Variants in GLIS3 observed in about 807,000 individuals in gnomAD.
The protein encoded by GLIS3 is GLIS family zinc finger 3, also known as zinc finger protein GLIS3.
In GLIS3, 53 loss-of-function variants were observed where a neutral mutation model predicts 78.6. That is an observed-to-expected ratio of 0.67 (90% CI 0.54 to 0.85). The LOEUF is 0.85. GLIS3 is among the 40% of genes least tolerant of loss of function. GLIS3 has a pLI of 0.00. For missense variants in GLIS3, 1,703 were observed against 1,231.1 expected, an observed-to-expected ratio of 1.38 and a Z score of -5.74; for synonymous variants, 684 against 509.9, an observed-to-expected ratio of 1.34 and a Z score of -4.60.
intron 4 of GLIS3, among the ~76,000 whole-genome samples, chr9:4,011,486 T>A (rs1822007529): frequency 6.6e-6 from 1 of 152,188 alleles, no homozygotes; most frequent in Non-Finnish European, 1.5e-5. Context: ...GAACAGATGT[T>A]GGACTGTGTG....
At chr9:4,363,480 T>A in the GLIS3 span, among the ~76,000 whole-genome samples, 1 of 152,210 alleles carries the variant, frequency 6.6e-6, no homozygotes, top group Non-Finnish European at 1.5e-5. Flanking sequence ...TTAGGATAAG[T>A]GATTAAAATT....
chr9:4,046,400 G>C (rs1825252354), intron 4 of GLIS3, among the ~76,000 whole-genome samples: 2 of 152,174 alleles, frequency 1.3e-5, no homozygotes, highest in South Asian at 4.1e-4. Flanking sequence ...GGCATGAGAG[G>C]TGGGTTAGAT....
chr9:4,365,748 A>T, the GLIS3 span, among the ~76,000 whole-genome samples: 3 of 152,204 alleles, frequency 2.0e-5, no homozygotes, highest in Non-Finnish European at 4.4e-5. Context: ...TACTCCACTG[A>T]CTGCCAAAGT....
At chr9:4,174,966 T>C (rs1031455513) in intron 2 of GLIS3, among the ~76,000 whole-genome samples, 1 of 152,122 alleles carries the variant, frequency 6.6e-6, no homozygotes, top group Non-Finnish European at 1.5e-5. Flanking sequence ...AGCTCAGAAA[T>C]AGGTCAAGGG....
intron 2 of GLIS3, among the ~76,000 whole-genome samples, chr9:4,247,382 A>G (rs1435980734): frequency 6.6e-6 from 1 of 152,250 alleles, no homozygotes; most frequent in Non-Finnish European, 1.5e-5. Context: ...TCTTATTTAC[A>G]TGGTTAAAAT....
intron 2 of GLIS3, among the ~76,000 whole-genome samples, chr9:4,204,241 G>A (rs1819651391): frequency 6.6e-6 from 1 of 152,180 alleles, no homozygotes; most frequent in Non-Finnish European, 1.5e-5. Flanking sequence ...AAGATAATAT[G>A]TAAAAAGAGG....
chr9:4,317,658 A>G (rs995914283), intron 2 of GLIS3, among the ~76,000 whole-genome samples: 3 of 152,244 alleles, frequency 2.0e-5, no homozygotes, highest in African/African-American at 7.2e-5. Flanking sequence ...TTTTTTAAAA[A>G]TCAGCAGGTT....
In GLIS3 at chr9:4,118,760, G is replaced by C. The variant is rs764697238; in HGVS notation, c.718C>G (p.His240Asp). 4 of 1,613,690 alleles carry C rather than the reference G, an allele frequency of 2.5e-6. No homozygotes were observed. Among genetic ancestry groups the C allele is most frequent in the Admixed American group, 3.3e-5 (2 of 60,024 alleles). The change falls in exon 4 of 11, where the codon CAC (histidine) becomes GAC (aspartate). Residue 240 changes from histidine (H) to aspartate (D), a missense_variant. By Grantham distance (81) the His-to-Asp change is moderately conservative. Transcript: ENST00000381971. The surrounding 1 kb of genome is among the most constrained non-coding windows in gnomAD (Gnocchi z 4.7). ...GYRALPSLSN[H>D]GSQNGLDLGD... Reference sequence around the variant, plus strand: ...AGATCAAGGCCATTCTGAGAGCCGTGGTTGGAGAGCGAAGGGAGGGCCCTG... The same window carrying C: ...AGATCAAGGCCATTCTGAGAGCCGTCGTTGGAGAGCGAAGGGAGGGCCCTG...
chr9:4,329,677 CT>C (rs1393137739), intron 2 of GLIS3, among the ~76,000 whole-genome samples: 1 of 152,130 alleles, frequency 6.6e-6, no homozygotes, highest in East Asian at 1.9e-4. Context: ...TAAAATTCAT[CT>C]AGTCTGCCCA....
upstream of GLIS3, among the ~76,000 whole-genome samples, chr9:4,353,331 G>C (rs1182564511): frequency 6.6e-6 from 1 of 152,148 alleles, no homozygotes; most frequent in Non-Finnish European, 1.5e-5. Context: ...CTTGCTATAT[G>C]ATCTGATTTT....
At chr9:3,891,981 CCACT>C (rs1342078627) in intron 7 of GLIS3, among the ~76,000 whole-genome samples, 1 of 152,110 alleles carries the variant, frequency 6.6e-6, no homozygotes, top group Admixed American at 6.5e-5. Context: ...CTTTCTGCAG[CCACT>C]CACTCCTAGA....
At chr9:3,965,382 G>C (rs188155293) in intron 4 of GLIS3, among the ~76,000 whole-genome samples, 1 of 151,534 alleles carries the variant, frequency 6.6e-6, no homozygotes, top group Non-Finnish European at 1.5e-5. Flanking sequence ...TTAGTAGAGA[G>C]GGGGTTTCAC....
chr9:4,065,952 A>G (rs1463114173), intron 4 of GLIS3, among the ~76,000 whole-genome samples: 1 of 151,950 alleles, frequency 6.6e-6, no homozygotes, highest in Non-Finnish European at 1.5e-5. Context: ...CATAAAAAAT[A>G]TGAGACTTCC....
At chr9:4,205,449 T>C (rs926680388) in intron 2 of GLIS3, among the ~76,000 whole-genome samples, 6 of 152,164 alleles carry the variant, frequency 3.9e-5, no homozygotes, top group Admixed American at 3.3e-4. Flanking sequence ...CAAGGAGATA[T>C]GTTCTGGGGA....
At chr9:4,462,688 T>C in the GLIS3 span, among the ~76,000 whole-genome samples, 1 of 151,826 alleles carries the variant, frequency 6.6e-6, no homozygotes, top group Non-Finnish European at 1.5e-5. Flanking sequence ...TGTATGTCTG[T>C]AGTCCCAGCT....
At chr9:4,140,961 G>C (rs995637778) in intron 2 of GLIS3, among the ~76,000 whole-genome samples, 5 of 152,282 alleles carry the variant, frequency 3.3e-5, no homozygotes, top group South Asian at 2.1e-4. Flanking sequence ...ACCACGCTCA[G>C]CTAATTTTTT....
At chr9:3,934,332 T>C (rs1354482858) in intron 5 of GLIS3, among the ~76,000 whole-genome samples, 1 of 152,156 alleles carries the variant, frequency 6.6e-6, no homozygotes, top group Non-Finnish European at 1.5e-5. Context: ...TGATGACTAT[T>C]AACAAATTAT....
chr9:4,371,810 G>T, the GLIS3 span, among the ~76,000 whole-genome samples: 1 of 152,290 alleles, frequency 6.6e-6, no homozygotes, highest in South Asian at 2.1e-4. Flanking sequence ...CCTGGCTCCA[G>T]TTGCCCTGAA....
At chr9:4,407,099 T>G in the GLIS3 span, among the ~76,000 whole-genome samples, 1 of 152,084 alleles carries the variant, frequency 6.6e-6, no homozygotes. Flanking sequence ...AATAGACACA[T>G]AGACCAATGG....
Sources: gnomAD v4.1 joint callset for allele counts (sites outside exome capture counted in the v4.1 genomes callset) on GRCh38, gnomAD v4.1.1 for gene constraint, Gnocchi (gnomAD v3.1) non-coding constraint, MANE v1.5 for transcripts, NCBI Gene and HGNC (gene_info 2026-07-23, HGNC 2026-07-21) for gene names.